The following NELFCD variants were observed in gnomAD, a reference collection of about 807,000 sequenced individuals.
The protein encoded by NELFCD is negative elongation factor complex member C/D.
In NELFCD, 48 loss-of-function variants were observed where a neutral mutation model predicts 72.9. The ratio of observed to expected loss-of-function variants is 0.66; its 90% CI spans 0.52 to 0.84. The LOEUF is 0.84. Among genes scored for constraint, NELFCD ranks in the 40% least tolerant of loss-of-function variants. The pLI, the probability that NELFCD is intolerant of heterozygous loss-of-function variation, is 0.00. For synonymous variants in NELFCD, 297 were observed against 280.6 expected (o/e 1.06, Z -0.59); for missense variants, 538 against 723.8 (o/e 0.74, Z 2.94).
At chr20:58,985,865 C>T (rs951297621) in intron 1 of NELFCD, among the ~76,000 whole-genome samples, 2 of 152,046 alleles carry the variant, frequency 1.3e-5, no homozygotes, top group African/African-American at 2.4e-5. Context: ...GAGCATGGAA[C>T]GCGGTTTGCC....
intron 13 of NELFCD, 82 bp from the exon 14 acceptor site, chr20:58,994,028 A>G: frequency 6.5e-7 from 1 of 1,540,292 alleles, no homozygotes; most frequent in Non-Finnish European, 8.9e-7. Context: ...ATTTTTTCCA[A>G]ACTGATGGCC....
intron 9 of NELFCD, 96 bp downstream of exon 9, chr20:58,991,542 A>G (rs1257934282): frequency 1.4e-6 from 2 of 1,400,394 alleles, no homozygotes; most frequent in African/African-American, 2.8e-5. Flanking sequence ...AGAAATCTTG[A>G]CCCTCCCTAG....
chr20:58,995,022 TCA>T lies in NELFCD; in HGVS notation c.*347_*348del, dbSNP rs2091849828. ...CGGGGAACTCCTTTCCAAGCTGACC[TCA>T]GTTTTCTCACAAGAACCCAGTTAGC... On this transcript the variant is annotated 3_prime_UTR_variant, in exon 15 of 15. Coordinates refer to ENST00000652272, the MANE Select transcript of NELFCD (RefSeq NM_198976.4). The T allele has an allele frequency of 4.0e-6, 1 of 250,642 alleles. No individual in the cohort carries two copies. 15.5% of individuals were successfully genotyped at this position (250,642 alleles called of 1,614,324 possible).
rs932758957 is a variant in NELFCD at position 58,986,412 on chromosome 20, G to A, written c.176+204G>A. The A allele has an allele frequency of 5.4e-6, 3 of 559,348 alleles. No homozygotes were observed. Among genetic ancestry groups the A allele is most frequent in the Non-Finnish European group, 9.4e-6 (3 of 319,428 alleles). 34.6% of individuals were successfully genotyped at this position (559,348 alleles called of 1,614,324 possible). On this transcript the variant is annotated intron_variant, in intron 2 of 14. Coordinates refer to ENST00000652272, the MANE Select transcript of NELFCD (RefSeq NM_198976.4). The surrounding 1 kb of genome is among the most constrained non-coding windows in gnomAD (Gnocchi z 4.4). ...GCTCTGTTGCAGTGGCACAATCACC[G>A]CTCACTGCAGCTTCAGCCTCCTGGA...
chr20:58,987,594 C>G (rs2091781706), intron 3 of NELFCD, 114 bp from the exon 4 acceptor site: 2 of 814,586 alleles, frequency 2.5e-6, no homozygotes, highest in Admixed American at 4.9e-5. Context: ...TATAAGTGGT[C>G]AGAAGCAATT....
At chr20:58,984,780 T>C (rs535392632) in intron 1 of NELFCD, among the ~76,000 whole-genome samples, 59 of 152,232 alleles carry the variant, frequency 3.9e-4, no homozygotes, top group African/African-American at 1.3e-3. Context: ...TCTAGATTGG[T>C]GAGCAGGTAG....
intron 1 of NELFCD, among the ~76,000 whole-genome samples, chr20:58,981,914 T>C (rs13044688): frequency 0.19 from 28,776 of 152,130 alleles, 2,971 homozygotes; most frequent in African/African-American, 0.26. Flanking sequence ...TGGAAAGGAT[T>C]TTCGGGCCTT....
In NELFCD at chr20:58,993,268, C is replaced by A; in HGVS notation, c.1344+156C>A. The A allele has an allele frequency of 1.2e-6, 1 of 812,274 alleles. No homozygotes were observed. Among genetic ancestry groups the A allele is most frequent in the South Asian group, 1.7e-5 (1 of 57,278 alleles). The allele number at this position is 812,274 out of a possible 1,614,324, so 50.3% of individuals were successfully genotyped here. The stretch of plus-strand genomic sequence containing the variant: ...GATTTTCCTCTTAAGGACCTAGCTT[C>A]ATTGACTGCAGAAATTTCTTAACCT... On this transcript the variant is annotated intron_variant, in intron 11 of 14. Transcript: ENST00000652272. The surrounding 1 kb of genome is among the most constrained non-coding windows in gnomAD (Gnocchi z 5.0).
chr20:58,986,589 C>A lies in NELFCD; in HGVS notation c.177-165C>A. 1.5e-6 allele frequency: 1 copy of A among 664,530 alleles called. No homozygotes were observed. 41.2% of individuals were successfully genotyped at this position (664,530 alleles called of 1,614,324 possible). A position where few individuals can be genotyped will look rare whatever the true frequency, so the allele number is the denominator to read the frequency against. ...AACTCCTAGGCTCAAGTGATTCTCC[C>A]ACCTCTGCCTCCCAAAGTGCTGGGA... On this transcript the variant is annotated intron_variant, in intron 2 of 14. Transcript: ENST00000652272. This position sits in a 1 kb window ranked among gnomAD's most constrained non-coding sequence, Gnocchi z 4.4.
chr20:58,982,034 C>T (rs571038897), intron 1 of NELFCD, among the ~76,000 whole-genome samples: 1 of 152,046 alleles, frequency 6.6e-6, no homozygotes, highest in South Asian at 2.1e-4. Flanking sequence ...GTGTCCCCAC[C>T]TTACTCTAAA....
intron 1 of NELFCD, 88 bp downstream of exon 1, chr20:58,981,457 C>A: frequency 2.0e-6 from 1 of 499,846 alleles, no homozygotes; most frequent in Non-Finnish European, 2.6e-6. Flanking sequence ...GGCCGCGCGG[C>A]GCGAGGCTGC....
In NELFCD at chr20:58,986,950, C is replaced by T; in HGVS notation, c.286+87C>T. ...GGGTCCTTATAACACTGATACAATG[C>T]CTTCTTTGATTTCCTGGTTTCTGAG... On this transcript the variant is annotated intron_variant, in intron 3 of 14. Transcript: ENST00000652272. The surrounding 1 kb of genome is among the most constrained non-coding windows in gnomAD (Gnocchi z 4.4). The T allele has an allele frequency of 1.4e-6, 1 of 712,546 alleles. No individual in the cohort carries two copies. 44.1% of individuals were successfully genotyped at this position (712,546 alleles called of 1,614,324 possible). A position where few individuals can be genotyped will look rare whatever the true frequency, so the allele number is the denominator to read the frequency against.
At chr20:58,989,732 T>A (rs2091800344) in intron 6 of NELFCD, 92 bp downstream of exon 6, 1 of 1,608,050 alleles carries the variant, frequency 6.2e-7, no homozygotes, top group Non-Finnish European at 8.5e-7. Flanking sequence ...GGAGAGAATC[T>A]CCATTTCTGA....
intron 10 of NELFCD, 113 bp from the exon 11 acceptor site, chr20:58,992,885 A>T: frequency 1.5e-6 from 1 of 685,950 alleles, no homozygotes; most frequent in Non-Finnish European, 2.6e-6. Context: ...GGGCGTATTG[A>T]AGGGTGAATG....
chr20:58,993,134 C>G lies in NELFCD; in HGVS notation c.1344+22C>G. On this transcript the variant is annotated intron_variant, in intron 11 of 14. Transcript: ENST00000652272. This position sits in a 1 kb window ranked among gnomAD's most constrained non-coding sequence, Gnocchi z 5.0. ...TGAGGTAAGAGGGCGGAGAGCTGTTCACAGCCTACACAGTGTCTGTCTCAT... is the reference window on the plus strand; with the variant it reads ...TGAGGTAAGAGGGCGGAGAGCTGTTGACAGCCTACACAGTGTCTGTCTCAT... 6.6e-7 allele frequency: 1 copy of G among 1,513,946 alleles called. No homozygotes were observed. The highest frequency in any genetic ancestry group is 9.2e-7 in the Non-Finnish European group (1 of 1,088,762). 93.8% of individuals were successfully genotyped at this position (1,513,946 alleles called of 1,614,324 possible).
At chr20:58,987,283 G>A (rs1293480410) in intron 3 of NELFCD, 1 of 249,334 alleles carries the variant, frequency 4.0e-6, no homozygotes, top group South Asian at 6.6e-5. Context: ...ACGGAGCCGG[G>A]TGCAGATGAC....
intron 5 of NELFCD, 38 bp from the exon 6 acceptor site, chr20:58,989,450 T>C (rs765075357): frequency 6.2e-7 from 1 of 1,609,674 alleles, no homozygotes; most frequent in Admixed American, 1.7e-5. Flanking sequence ...GTGCGGTCAC[T>C]GCATGCCTCC....
intron 5 of NELFCD, 45 bp from the exon 6 acceptor site, chr20:58,989,443 C>T (rs776575974): frequency 2.5e-6 from 4 of 1,602,186 alleles, no homozygotes; most frequent in Non-Finnish European, 1.7e-6. Flanking sequence ...CGTGGAGGTG[C>T]GGTCACTGCA....
chr20:58,991,823 C>T, intron 9 of NELFCD, 58 bp from the exon 10 acceptor site: 1 of 1,588,700 alleles, frequency 6.3e-7, no homozygotes, highest in South Asian at 1.1e-5. Flanking sequence ...CACCAGAACA[C>T]CCCGACAGCA....
Sources: gnomAD v4.1 joint callset for allele counts (sites outside exome capture counted in the v4.1 genomes callset) on GRCh38, gnomAD v4.1.1 for gene constraint, Gnocchi (gnomAD v3.1) non-coding constraint, MANE v1.5 for transcripts, NCBI Gene and HGNC (gene_info 2026-07-23, HGNC 2026-07-21) for gene names.